Variants in GABBR2 observed in about 807,000 individuals in gnomAD.
GABBR2 encodes gamma-aminobutyric acid type B receptor subunit 2, also known as G-protein coupled receptor 51.
Under a neutral mutation model 105.6 loss-of-function variants are expected in GABBR2, and 23 were observed. The observed-to-expected ratio is 0.22, with a 90% CI of 0.16 to 0.31. GABBR2 has a LOEUF of 0.31. Ranked by LOEUF, GABBR2 falls within the 10% of genes least tolerant of loss-of-function variation. The pLI, the probability that GABBR2 is intolerant of heterozygous loss-of-function variation, is 1.00. For synonymous variants in GABBR2, 478 were observed against 499.7 expected, an observed-to-expected ratio of 0.96 and a Z score of 0.58; for missense variants, 734 against 1,245.5, an observed-to-expected ratio of 0.59 and a Z score of 6.18.
intron 3 of GABBR2, among the ~76,000 whole-genome samples, chr9:98,497,672 T>A (rs568688371): frequency 1.3e-5 from 2 of 152,320 alleles, no homozygotes; most frequent in South Asian, 4.1e-4. Context: ...CTTTAGGAGA[T>A]GCTTAAAGCA....
chr9:98,376,923 C>T (rs941269787), intron 11 of GABBR2, among the ~76,000 whole-genome samples: 2 of 152,106 alleles, frequency 1.3e-5, no homozygotes, highest in Non-Finnish European at 2.9e-5. Flanking sequence ...TTCTGAAAGG[C>T]ACCCCGTCTG....
intron 1 of GABBR2, among the ~76,000 whole-genome samples, chr9:98,615,353 C>T (rs1462663085): frequency 2.0e-5 from 3 of 152,364 alleles, no homozygotes. Flanking sequence ...GCATTCACAG[C>T]AGACCAGTGA....
intron 4 of GABBR2, among the ~76,000 whole-genome samples, chr9:98,489,652 A>G (rs1281756963): frequency 1.3e-5 from 2 of 151,858 alleles, no homozygotes; most frequent in African/African-American, 2.4e-5. Context: ...TTCGAACGTA[A>G]TATCAACTAC....
intron 6 of GABBR2, among the ~76,000 whole-genome samples, chr9:98,467,421 G>GGGGAGTAGCAAGGAAT (rs1040888253): frequency 1.3e-5 from 2 of 152,156 alleles, no homozygotes; most frequent in Non-Finnish European, 2.9e-5. Flanking sequence ...TGAGTGCCTA[G>GGGGAGTAGCAAGGAAT]GGGAGTAGCA....
intron 14 of GABBR2, among the ~76,000 whole-genome samples, chr9:98,308,801 G>T (rs530778503): frequency 6.6e-5 from 10 of 152,360 alleles, no homozygotes; most frequent in Non-Finnish European, 1.5e-4. Context: ...AACTAGGAAA[G>T]AATACATTTC....
chr9:98,599,736 A>T (rs10986946), intron 1 of GABBR2, among the ~76,000 whole-genome samples: 1 of 152,010 alleles, frequency 6.6e-6, no homozygotes, highest in East Asian at 1.9e-4. Flanking sequence ...CTCAGGACAC[A>T]AAACAGACCT....
At chr9:98,456,291 G>T (rs1331114765) in intron 6 of GABBR2, among the ~76,000 whole-genome samples, 3 of 152,160 alleles carry the variant, frequency 2.0e-5, no homozygotes, top group Non-Finnish European at 4.4e-5. Flanking sequence ...CTGCCAGAAA[G>T]CTCCTTGCCC....
chr9:98,355,221 T>C (rs1013015502), intron 13 of GABBR2, among the ~76,000 whole-genome samples: 2 of 152,044 alleles, frequency 1.3e-5, no homozygotes, highest in African/African-American at 2.4e-5. Flanking sequence ...TGATCACTGA[T>C]CACAGATCAC....
chr9:98,452,069 C>T (rs1032995544), intron 7 of GABBR2, among the ~76,000 whole-genome samples: 4 of 152,220 alleles, frequency 2.6e-5, no homozygotes, highest in Non-Finnish European at 4.4e-5. Context: ...CTTGCCCGTG[C>T]ATGTGAGCCA....
intron 2 of GABBR2, among the ~76,000 whole-genome samples, chr9:98,571,020 G>T (rs1828822248): frequency 6.6e-6 from 1 of 152,236 alleles, no homozygotes; most frequent in Non-Finnish European, 1.5e-5. Flanking sequence ...CCGAGGGGCA[G>T]GGTGAATGAG....
At chr9:98,355,032 G>A (rs982476131) in intron 13 of GABBR2, among the ~76,000 whole-genome samples, 1 of 152,012 alleles carries the variant, frequency 6.6e-6, no homozygotes, top group Non-Finnish European at 1.5e-5. Context: ...ACAACTGCAG[G>A]GTTATTAACT....
At chr9:98,372,660 C>T (rs891172007) in intron 11 of GABBR2, among the ~76,000 whole-genome samples, 22 of 152,216 alleles carry the variant, frequency 1.4e-4, no homozygotes, top group African/African-American at 5.1e-4. Flanking sequence ...CCTTCTAGTT[C>T]AGGGCTGGCT....
chr9:98,667,298 G>C (rs1830349227), intron 1 of GABBR2, among the ~76,000 whole-genome samples: 1 of 152,128 alleles, frequency 6.6e-6, no homozygotes, highest in Non-Finnish European at 1.5e-5. Flanking sequence ...ACATGCCAGA[G>C]GGGTGAACTT....
At chr9:98,326,329 T>C (rs1056686793) in intron 13 of GABBR2, among the ~76,000 whole-genome samples, 22 of 152,332 alleles carry the variant, frequency 1.4e-4, no homozygotes, top group African/African-American at 5.1e-4. Context: ...AATAATCCCA[T>C]GCAAGGTAGG....
In GABBR2 at chr9:98,680,805, C is replaced by A. The variant is rs538457356; in HGVS notation, c.321+27612G>T. On this transcript the variant is annotated intron_variant, in intron 1 of 18. Transcript: ENST00000259455. ...ACTGACCCAGAAAGCATCAGACATA[C>A]CTATGGAATAGAAGTTCAGAAACAG... 2.4e-4 allele frequency among the ~76,000 whole-genome samples: 36 copies of A among 152,220 alleles called. No individual in the cohort carries two copies. In the South Asian group the frequency reaches 7.5e-3, roughly 32 times the overall value.
intron 13 of GABBR2, among the ~76,000 whole-genome samples, chr9:98,354,137 A>G (rs1050219438): frequency 2.6e-5 from 4 of 152,344 alleles, no homozygotes; most frequent in Admixed American, 2.6e-4. Flanking sequence ...ATTTTAATTA[A>G]TTAATTTATT....
chr9:98,575,087 A>AC lies in GABBR2; in HGVS notation c.459+2847dup, dbSNP rs60542139. Among the ~76,000 whole-genome samples, 581 of 150,228 alleles carry AC rather than the reference A, an allele frequency of 3.9e-3. 4 individuals are homozygous for AC. The highest frequency in any genetic ancestry group is 0.014 in the Middle Eastern group (4 of 294). On this transcript the variant is annotated intron_variant, in intron 2 of 18. Transcript: ENST00000259455. The stretch of plus-strand genomic sequence containing the variant: ...GAGACAAACATTTATAAACACCACC[A>AC]CCCCCCCCCAAATCTGCAAAACCCT...
At chr9:98,673,132 T>G (rs2131862714) in intron 1 of GABBR2, among the ~76,000 whole-genome samples, 1 of 152,312 alleles carries the variant, frequency 6.6e-6, no homozygotes, top group South Asian at 2.1e-4. Flanking sequence ...CCACAAGAAC[T>G]TATTCCTTTG....
At chr9:98,560,209 AAATC>A (rs948933622) in intron 2 of GABBR2, among the ~76,000 whole-genome samples, 2 of 152,188 alleles carry the variant, frequency 1.3e-5, no homozygotes, top group Non-Finnish European at 2.9e-5. Context: ...AGGAGAAAAA[AAATC>A]AACCCCTAAA....
Sources: allele counts gnomAD v4.1 joint callset (sites outside exome capture counted in the v4.1 genomes callset), GRCh38; gene constraint gnomAD v4.1.1; transcripts MANE v1.5; gene names NCBI Gene and HGNC (gene_info 2026-07-23, HGNC 2026-07-21).